The following SLC25A26 variants were observed in gnomAD, a reference collection of about 807,000 sequenced individuals.
SLC25A26 encodes the protein mitochondrial S-adenosylmethionine carrier protein.
A neutral mutation model predicts 37.8 loss-of-function variants in SLC25A26; 36 were observed. The ratio of observed to expected loss-of-function variants is 0.95; its 90% confidence interval spans 0.73 to 1.26. SLC25A26 has a LOEUF of 1.26. Among genes scored for constraint, SLC25A26 ranks in the 50% most tolerant of loss-of-function variants. The pLI, the probability that SLC25A26 is intolerant of heterozygous loss-of-function variation, is 0.00. For synonymous variants in SLC25A26, 129 were observed against 122.5 expected (o/e 1.05, Z -0.35); for missense variants, 390 against 331.1 (o/e 1.18, Z -1.38).
At chr3:66,249,890 C>T (rs188589368) in intron 3 of SLC25A26, among the ~76,000 whole-genome samples, 1 of 152,212 alleles carries the variant, frequency 6.6e-6, no homozygotes, top group Non-Finnish European at 1.5e-5. Context: ...ACAGAACTGT[C>T]AGATACCTGA....
chr3:66,371,881 G>A (rs572344678), intron 9 of SLC25A26, among the ~76,000 whole-genome samples: 17 of 152,278 alleles, frequency 1.1e-4, no homozygotes, highest in Admixed American at 3.3e-4. Flanking sequence ...AGGGTCGCTC[G>A]AAGTTAGGAG....
chr3:66,233,818 T>G (rs1242366884), intron 1 of SLC25A26, among the ~76,000 whole-genome samples: 1 of 152,152 alleles, frequency 6.6e-6, no homozygotes, highest in African/African-American at 2.4e-5. Context: ...TTGAATCTGG[T>G]CATTTTTTTC....
intron 9 of SLC25A26, among the ~76,000 whole-genome samples, chr3:66,371,774 TC>T (rs1700356424): frequency 6.6e-6 from 1 of 151,940 alleles, no homozygotes; most frequent in South Asian, 2.1e-4. Flanking sequence ...AAAAAATGAG[TC>T]CTGAAGCTAC....
chr3:66,182,223 G>A (rs997679568), intron 1 of SLC25A26, among the ~76,000 whole-genome samples: 6 of 152,146 alleles, frequency 3.9e-5, no homozygotes, highest in Non-Finnish European at 5.9e-5. Flanking sequence ...ACAGCCTGAG[G>A]AAGTTTGTTG....
intron 3 of SLC25A26, among the ~76,000 whole-genome samples, chr3:66,253,023 G>GCC (rs33979268): frequency 0.038 from 4,048 of 106,216 alleles, 482 homozygotes; most frequent in African/African-American, 0.051. Flanking sequence ...GCAAAATAAT[G>GCC]CCCCCCCCCC....
intron 5 of SLC25A26, among the ~76,000 whole-genome samples, chr3:66,320,335 T>C (rs1261233034): frequency 6.6e-6 from 1 of 152,198 alleles, no homozygotes; most frequent in Non-Finnish European, 1.5e-5. Flanking sequence ...GTTCTAGTTA[T>C]TTCATATCAG....
At chr3:66,300,596 T>C (rs779110120) in intron 5 of SLC25A26, among the ~76,000 whole-genome samples, 1 of 152,198 alleles carries the variant, frequency 6.6e-6, no homozygotes, top group Non-Finnish European at 1.5e-5. Context: ...CATAACAGAA[T>C]AAGGATTTAT....
chr3:66,157,039 C>T (rs2070293316), intron 1 of SLC25A26, among the ~76,000 whole-genome samples: 1 of 151,968 alleles, frequency 6.6e-6, no homozygotes, highest in Non-Finnish European at 1.5e-5. Flanking sequence ...TCAAGACCAG[C>T]CTGGACAACA....
chr3:66,292,230 T>A (rs1052370430), intron 5 of SLC25A26, among the ~76,000 whole-genome samples: 3 of 152,176 alleles, frequency 2.0e-5, no homozygotes, highest in African/African-American at 7.2e-5. Flanking sequence ...TACAGCACAC[T>A]GATGGGTCTT....
intron 1 of SLC25A26, among the ~76,000 whole-genome samples, chr3:66,186,100 G>C: frequency 6.6e-6 from 1 of 151,712 alleles, no homozygotes; most frequent in Admixed American, 6.6e-5. Flanking sequence ...CCAAGACCCT[G>C]ATGCATACCT....
At chr3:66,234,561 A>G (rs1317574570) in intron 1 of SLC25A26, among the ~76,000 whole-genome samples, 1 of 152,192 alleles carries the variant, frequency 6.6e-6, no homozygotes, top group Non-Finnish European at 1.5e-5. Context: ...TACTATTTAT[A>G]GTAATGTACT....
chr3:66,146,519 T>A (rs1259715301), intron 1 of SLC25A26, among the ~76,000 whole-genome samples: 1 of 152,108 alleles, frequency 6.6e-6, no homozygotes, highest in African/African-American at 2.4e-5. Context: ...ATTTTTTCTA[T>A]ATGAATATGT....
intron 5 of SLC25A26, among the ~76,000 whole-genome samples, chr3:66,308,030 C>A (rs893183540): frequency 1.3e-5 from 2 of 152,040 alleles, no homozygotes; most frequent in Non-Finnish European, 2.9e-5. Flanking sequence ...TTTTCTAATT[C>A]TGTGAAGAAA....
intron 1 of SLC25A26, among the ~76,000 whole-genome samples, chr3:66,195,380 G>A (rs2106801295): frequency 6.6e-6 from 1 of 152,350 alleles, no homozygotes; most frequent in African/African-American, 2.4e-5. Flanking sequence ...CCAGGAACCC[G>A]CGGTAGGGAG....
Position 66,266,153 on chromosome 3 carries a change from C to T in SLC25A26, c.453+2774C>T, listed in dbSNP as rs192307936. Among the ~76,000 whole-genome samples, 230 of 115,146 alleles carry T rather than the reference C, an allele frequency of 2.0e-3. 1 individual carries two copies. Among genetic ancestry groups the T allele is most frequent in the Non-Finnish European group, 2.8e-3 (162 of 58,336 alleles). 75.5% of individuals were successfully genotyped at this position (115,146 alleles called of 152,430 possible). A position where few individuals can be genotyped will look rare whatever the true frequency, so the allele number is the denominator to read the frequency against. Reference sequence around the variant, plus strand: ...TTGGAGATTTAATTGAGGTCTTCTGCATTATGCATATTTATTCAGAGTTGA... The same window carrying T: ...TTGGAGATTTAATTGAGGTCTTCTGTATTATGCATATTTATTCAGAGTTGA... On this transcript the variant is annotated intron_variant, in intron 5 of 9. Coordinates refer to ENST00000354883, the MANE Select transcript of SLC25A26 (RefSeq NM_001379210.1).
intron 5 of SLC25A26, among the ~76,000 whole-genome samples, chr3:66,271,649 G>A (rs914074706): frequency 6.6e-6 from 1 of 152,098 alleles, no homozygotes; most frequent in African/African-American, 2.4e-5. Flanking sequence ...TGGACTGGGG[G>A]CAGTGGTACT....
At chr3:66,278,612 T>G (rs2074235095) in intron 5 of SLC25A26, among the ~76,000 whole-genome samples, 1 of 152,196 alleles carries the variant, frequency 6.6e-6, no homozygotes, top group Non-Finnish European at 1.5e-5. Context: ...CCCAACCCTG[T>G]CTCATCCTAG....
chr3:66,337,535 TA>T (rs753569912), intron 5 of SLC25A26, among the ~76,000 whole-genome samples: 60 of 152,062 alleles, frequency 3.9e-4, no homozygotes, highest in Admixed American at 5.9e-4. Context: ...AGATATTGTT[TA>T]GGGGGAAAAA....
At chr3:66,251,445 G>A (rs782356421) in intron 3 of SLC25A26, among the ~76,000 whole-genome samples, 4 of 152,154 alleles carry the variant, frequency 2.6e-5, no homozygotes, top group African/African-American at 4.8e-5. Context: ...TTAGTTTGTT[G>A]TGTCTATGTG....
Sources: gnomAD v4.1 joint callset for allele counts (sites outside exome capture counted in the v4.1 genomes callset) on GRCh38, gnomAD v4.1.1 for gene constraint, MANE v1.5 for transcripts, NCBI Gene and HGNC (gene_info 2026-07-23, HGNC 2026-07-21) for gene names.